Variants in EPB41L5 observed in about 807,000 individuals in gnomAD.
EPB41L5 encodes erythrocyte membrane protein band 4.1 like 5.
A neutral mutation model predicts 106.6 loss-of-function variants in EPB41L5; 55 were observed. The ratio of observed to expected loss-of-function variants is 0.52; its 90% CI spans 0.42 to 0.65. The LOEUF (loss-of-function observed/expected upper bound fraction) is 0.65, where lower values mean the gene tolerates loss of function less well. Among genes scored for constraint, EPB41L5 ranks in the 30% least tolerant of loss-of-function variants. The probability of loss-of-function intolerance (pLI) is 0.00; values close to 1 mark genes in which losing one functional copy is unlikely to be tolerated. For synonymous variants in EPB41L5, 297 were observed against 306.7 expected (o/e 0.97, Z 0.33); for missense variants, 871 against 882.1 (o/e 0.99, Z 0.16).
chr2:120,073,295 G>C, intron 4 of EPB41L5, 75 bp downstream of exon 4: 1 of 1,235,874 alleles, frequency 8.1e-7, no homozygotes, highest in East Asian at 2.4e-5. Context: ...CTAATAGGAT[G>C]TAAGAAATCA....
intron 11 of EPB41L5, among the ~76,000 whole-genome samples, chr2:120,088,841 AT>A (rs2105361500): frequency 6.6e-6 from 1 of 152,272 alleles, no homozygotes; most frequent in Admixed American, 6.5e-5. Flanking sequence ...TTTAGTACTT[AT>A]CTGTGTAGTT....
intron 11 of EPB41L5, 56 bp from the exon 12 acceptor site, chr2:120,090,291 G>T (rs1683320731): frequency 4.3e-6 from 6 of 1,388,382 alleles, no homozygotes; most frequent in Admixed American, 4.8e-5. Context: ...TCAGAAATAG[G>T]AGATAGGACT....
At chr2:120,122,495 GTGT>G (rs1685265860) in intron 16 of EPB41L5, among the ~76,000 whole-genome samples, 1 of 152,122 alleles carries the variant, frequency 6.6e-6, no homozygotes, top group Non-Finnish European at 1.5e-5. Context: ...TAGATGTGTG[GTGT>G]TATTTCTGAG....
intron 10 of EPB41L5, among the ~76,000 whole-genome samples, chr2:120,080,190 A>G (rs1185974127): frequency 3.3e-5 from 5 of 151,682 alleles, no homozygotes; most frequent in Non-Finnish European, 7.4e-5. Flanking sequence ...ACATGCGCCA[A>G]GTTGGTGTGC....
chr2:120,113,864 T>C (rs182973769), intron 16 of EPB41L5, among the ~76,000 whole-genome samples: 1 of 152,228 alleles, frequency 6.6e-6, no homozygotes, highest in Non-Finnish European at 1.5e-5. Flanking sequence ...GGCTTAATAA[T>C]ATTCCCTTGT....
chr2:120,173,810 G>A (rs2105581954), intron 24 of EPB41L5, among the ~76,000 whole-genome samples: 1 of 152,250 alleles, frequency 6.6e-6, no homozygotes, highest in African/African-American at 2.4e-5. Flanking sequence ...AGCTTCCTGA[G>A]TAGCTGGGCT....
chr2:120,155,626 C>T (rs561775855), intron 20 of EPB41L5, among the ~76,000 whole-genome samples: 5 of 152,130 alleles, frequency 3.3e-5, no homozygotes, highest in African/African-American at 1.2e-4. Context: ...TCCTGTAATA[C>T]GTATATTAAT....
chr2:120,032,152 G>A (rs1233346046), intron 2 of EPB41L5, among the ~76,000 whole-genome samples: 2 of 152,146 alleles, frequency 1.3e-5, no homozygotes, highest in African/African-American at 4.8e-5. Context: ...GGAGGCTGAG[G>A]TGGGCGTATC....
intron 3 of EPB41L5, among the ~76,000 whole-genome samples, chr2:120,047,255 A>G (rs968914885): frequency 2.6e-5 from 4 of 152,194 alleles, no homozygotes; most frequent in African/African-American, 7.2e-5. Flanking sequence ...CTTGGGCAGT[A>G]TGGCTATTTT....
At chr2:120,103,987 T>TTA in intron 16 of EPB41L5, 5 of 1,427,138 alleles carry the variant, frequency 3.5e-6, no homozygotes, top group Non-Finnish European at 4.6e-6. Flanking sequence ...TCCCCTTTAT[T>TTA]GTCTCTTACA....
chr2:120,146,667 G>A (rs891026217), intron 20 of EPB41L5, among the ~76,000 whole-genome samples: 101 of 152,286 alleles, frequency 6.6e-4, no homozygotes, highest in African/African-American at 2.1e-3. Flanking sequence ...TCACAGTAAT[G>A]TAGTTAACTT....
At chr2:120,064,135 A>C (rs1681283603) in intron 3 of EPB41L5, among the ~76,000 whole-genome samples, 1 of 152,224 alleles carries the variant, frequency 6.6e-6, no homozygotes, top group South Asian at 2.1e-4. Flanking sequence ...AAGTGTTTTC[A>C]GTTAGAACAC....
At chr2:120,091,480 T>C (rs1186874529) in intron 12 of EPB41L5, 75 bp from the exon 13 acceptor site, 18 of 970,188 alleles carry the variant, frequency 1.9e-5, no homozygotes, top group Non-Finnish European at 2.7e-5. Context: ...AGAACCTGAA[T>C]GTGGACTGTC....
intron 20 of EPB41L5, among the ~76,000 whole-genome samples, chr2:120,147,207 G>A (rs1225458776): frequency 1.3e-5 from 2 of 152,104 alleles, no homozygotes; most frequent in East Asian, 1.9e-4. Context: ...AAAATTAGCC[G>A]AGCATGGTGA....
rs950294685 is a variant in EPB41L5, at chr2:120,176,152, C to T, written c.*1245C>T. The T allele has an allele frequency of 2.0e-5, 3 of 152,510 alleles. No homozygotes were observed. Among genetic ancestry groups the T allele is most frequent in the Non-Finnish European group, 2.9e-5 (2 of 68,026 alleles). 9.4% of individuals were successfully genotyped at this position (152,510 alleles called of 1,614,324 possible). On this transcript the variant is annotated 3_prime_UTR_variant, in exon 25 of 25. Transcript: ENST00000263713. ...GTAATTCTAATACCCAGAAATAACG[C>T]TATTTAGCTTTATAATTTTCGAATG...
intron 10 of EPB41L5, among the ~76,000 whole-genome samples, chr2:120,081,425 GTGGTA>G (rs1461885436): frequency 6.6e-6 from 1 of 152,166 alleles, no homozygotes; most frequent in East Asian, 1.9e-4. Flanking sequence ...TTGTAGATGT[GTGGTA>G]TTATTTCCGA....
chr2:120,130,056 G>C (rs1685626421), intron 17 of EPB41L5, among the ~76,000 whole-genome samples: 1 of 145,386 alleles, frequency 6.9e-6, no homozygotes, highest in African/African-American at 2.5e-5. Context: ...TGAGGCAGGA[G>C]AATCAGTTGA....
intron 16 of EPB41L5, among the ~76,000 whole-genome samples, chr2:120,125,710 G>T (rs528323240): frequency 5.9e-5 from 9 of 152,166 alleles, no homozygotes; most frequent in African/African-American, 2.2e-4. Context: ...GGATTTTTTT[G>T]TCTTTTCTTT....
At chr2:120,088,719 T>C (rs1009643258) in intron 11 of EPB41L5, among the ~76,000 whole-genome samples, 3 of 99,492 alleles carry the variant, frequency 3.0e-5, no homozygotes, top group Non-Finnish European at 5.2e-5. Flanking sequence ...AGCAATGTTA[T>C]TGGTGTTTTT....
Sources: allele counts gnomAD v4.1 joint callset (sites outside exome capture counted in the v4.1 genomes callset), GRCh38; gene constraint gnomAD v4.1.1; transcripts MANE v1.5; gene names NCBI Gene and HGNC (gene_info 2026-07-23, HGNC 2026-07-21).